MSRA: variants seen among roughly 807,000 people sequenced by gnomAD.
MSRA encodes methionine sulfoxide reductase A, also known as mitochondrial peptide methionine sulfoxide reductase.
Under a neutral mutation model 31.3 loss-of-function variants are expected in MSRA, and 54 were observed. The observed-to-expected ratio is 1.73, with a 90% CI of 1.39 to 2.17. The LOEUF is 2.17. Among genes scored for constraint, MSRA ranks in the 30% most tolerant of loss-of-function variants. The pLI is 0.00. For synonymous variants in MSRA, 169 were observed against 116.5 expected (o/e 1.45, Z -2.90); for missense variants, 507 against 300.9 (o/e 1.69, Z -5.07).
chr8:10,408,737 C>G lies in MSRA; in HGVS notation c.544-19411C>G, dbSNP rs566427002. ...GGTAATTTCTCATCCCTCACTCCCC[C>G]ACCCTCCCACCCTTCCAAGTCTCCA... On this transcript the variant is annotated intron_variant, in intron 5 of 5. Coordinates refer to ENST00000317173, the MANE Select transcript of MSRA (RefSeq NM_012331.5). 4.4e-5 allele frequency among the ~76,000 whole-genome samples: 6 copies of G among 137,006 alleles called. No individual in the cohort carries two copies. The South Asian group carries it at 1.2e-3, about 27-fold the overall frequency. The allele number at this position is 137,006 out of a possible 152,430, so 89.9% of individuals were successfully genotyped here. A position where few individuals can be genotyped will look rare whatever the true frequency, so the allele number is the denominator to read the frequency against.
chr8:10,191,975 G>A (rs56883717), intron 1 of MSRA, among the ~76,000 whole-genome samples: 3 of 151,966 alleles, frequency 2.0e-5, no homozygotes, highest in Non-Finnish European at 4.4e-5. Context: ...TGTTCCTCAC[G>A]AGGCTGCAGT....
chr8:10,332,562 G>C (rs1802770668), intron 5 of MSRA, among the ~76,000 whole-genome samples: 1 of 151,820 alleles, frequency 6.6e-6, no homozygotes, highest in Non-Finnish European at 1.5e-5. Flanking sequence ...ATAAGAACCT[G>C]TGAAATAAAT....
chr8:10,081,149 C>G (rs914417293), intron 1 of MSRA, among the ~76,000 whole-genome samples: 2 of 152,188 alleles, frequency 1.3e-5, no homozygotes, highest in Admixed American at 6.5e-5. Flanking sequence ...CCATCCACAG[C>G]AACAGCAGGA....
chr8:10,182,940 GT>G (rs1806674828), intron 1 of MSRA, among the ~76,000 whole-genome samples: 1 of 152,184 alleles, frequency 6.6e-6, no homozygotes, highest in South Asian at 2.1e-4. Context: ...TGTATTTTCT[GT>G]TTTCCCCCTT....
intron 1 of MSRA, among the ~76,000 whole-genome samples, chr8:10,109,751 G>A (rs1216001485): frequency 6.6e-6 from 1 of 152,148 alleles, no homozygotes; most frequent in Non-Finnish European, 1.5e-5. Context: ...ATATGATGAA[G>A]CATTTTAATG....
intron 1 of MSRA, among the ~76,000 whole-genome samples, chr8:10,111,356 C>T (rs999344044): frequency 5.3e-5 from 8 of 152,184 alleles, no homozygotes; most frequent in African/African-American, 1.4e-4. Flanking sequence ...TGAGATGCTA[C>T]ACCACTGCGT....
rs541221997 is a variant in MSRA, at chr8:10,383,024, G to C, written c.544-45124G>C. The stretch of plus-strand genomic sequence containing the variant: ...TCACTTTTGAAATGGGCAAGAGGTA[G>C]GGGCTTCCCTAAAGATCGGAAACAG... On this transcript the variant is annotated intron_variant, in intron 5 of 5. Transcript: ENST00000317173. Among the ~76,000 whole-genome samples, 43 of 152,368 alleles carry C rather than the reference G, an allele frequency of 2.8e-4. 1 individual carries two copies. Among genetic ancestry groups the C allele is most frequent in the Non-Finnish European group, 4.3e-4 (29 of 68,048 alleles).
At chr8:10,301,480 G>A (rs1257964572) in intron 3 of MSRA, 54 bp from the exon 4 acceptor site, 1 of 1,373,282 alleles carries the variant, frequency 7.3e-7, no homozygotes, top group African/African-American at 1.4e-5. Flanking sequence ...CAAAAAACTT[G>A]CAATAAATGG....
chr8:10,055,838 G>T (rs1283095373), intron 1 of MSRA, among the ~76,000 whole-genome samples: 2 of 152,122 alleles, frequency 1.3e-5, no homozygotes, highest in Non-Finnish European at 2.9e-5. Flanking sequence ...TTGGATTAGA[G>T]GCAGTTTAGA....
chr8:10,291,770 G>A (rs1800249952), intron 3 of MSRA, among the ~76,000 whole-genome samples: 1 of 152,038 alleles, frequency 6.6e-6, no homozygotes, highest in African/African-American at 2.4e-5. Context: ...GGATGAGGGA[G>A]GTTGAAGAAT....
intron 1 of MSRA, among the ~76,000 whole-genome samples, chr8:10,167,346 G>T (rs1805232964): frequency 6.6e-6 from 1 of 152,162 alleles, no homozygotes; most frequent in South Asian, 2.1e-4. Context: ...TAATGATCTT[G>T]GGAATGAAGT....
chr8:10,153,010 G>C (rs967035808), intron 1 of MSRA, among the ~76,000 whole-genome samples: 1 of 152,182 alleles, frequency 6.6e-6, no homozygotes, highest in Admixed American at 6.5e-5. Flanking sequence ...GAGGAGAAGA[G>C]GGGATGAAGA....
intron 1 of MSRA, among the ~76,000 whole-genome samples, chr8:10,116,893 G>T (rs987356154): frequency 1.3e-5 from 2 of 152,188 alleles, no homozygotes; most frequent in African/African-American, 4.8e-5. Flanking sequence ...TTGAACCTGG[G>T]AAGTGGAGGT....
intron 5 of MSRA, among the ~76,000 whole-genome samples, chr8:10,384,122 A>C (rs1034639672): frequency 6.6e-6 from 1 of 152,120 alleles, no homozygotes; most frequent in African/African-American, 2.4e-5. Flanking sequence ...CAGAGCTTGT[A>C]CCTTAAATTA....
At chr8:10,244,888 A>G (rs1227446110) in intron 2 of MSRA, among the ~76,000 whole-genome samples, 1 of 152,236 alleles carries the variant, frequency 6.6e-6, no homozygotes, top group Non-Finnish European at 1.5e-5. Flanking sequence ...GCACAGCTAA[A>G]GCAAAGAGAT....
chr8:10,129,357 T>A (rs1385072761), intron 1 of MSRA, among the ~76,000 whole-genome samples: 1 of 152,190 alleles, frequency 6.6e-6, no homozygotes, highest in African/African-American at 2.4e-5. Flanking sequence ...GGACTTGACC[T>A]GAAAAATGAG....
intron 5 of MSRA, 40 bp downstream of exon 5, chr8:10,320,029 C>A: frequency 1.5e-6 from 2 of 1,366,076 alleles, no homozygotes; most frequent in Non-Finnish European, 1.0e-6. Context: ...CTTAGGCCAC[C>A]ATGACTAGGG....
chr8:10,118,536 T>C (rs1186773140), intron 1 of MSRA, among the ~76,000 whole-genome samples: 2 of 152,020 alleles, frequency 1.3e-5, no homozygotes, highest in African/African-American at 4.8e-5. Flanking sequence ...GAGTCCAAAC[T>C]CGAGCCTAGT....
intron 3 of MSRA, chr8:10,250,622 C>G: frequency 1.6e-6 from 1 of 618,522 alleles, no homozygotes; most frequent in South Asian, 1.9e-5. Flanking sequence ...GCAGGCTGTT[C>G]AGCAGAGGTT....
Sources: allele counts gnomAD v4.1 joint callset (sites outside exome capture counted in the v4.1 genomes callset), GRCh38; gene constraint gnomAD v4.1.1; transcripts MANE v1.5; gene names NCBI Gene and HGNC (gene_info 2026-07-23, HGNC 2026-07-21).